Variants in URI1 observed in about 807,000 individuals in gnomAD.
URI1 encodes URI1 prefoldin like chaperone.
URI1 carries 39 observed loss-of-function variants against 60.2 expected under a neutral mutation model. The ratio of observed to expected loss-of-function variants is 0.65; its 90% confidence interval spans 0.50 to 0.85. The LOEUF (loss-of-function observed/expected upper bound fraction) is 0.85, where lower values mean the gene tolerates loss of function less well. Among genes scored for constraint, URI1 ranks in the 40% least tolerant of loss-of-function variants. URI1 has a pLI of 0.00. For synonymous variants in URI1, 251 were observed against 236.8 expected, an observed-to-expected ratio of 1.06 and a Z score of -0.55; for missense variants, 691 against 665.9, an observed-to-expected ratio of 1.04 and a Z score of -0.42.
chr19:29,987,244 C>CT (rs1181297398), intron 4 of URI1, among the ~76,000 whole-genome samples: 4 of 151,956 alleles, frequency 2.6e-5, no homozygotes, highest in Admixed American at 2.6e-4. Context: ...TGGGAAGATC[C>CT]TTTTTTATAA....
In URI1 at chr19:30,015,071, C is replaced by G; in HGVS notation, c.*2C>G. On this transcript the variant is annotated 3_prime_UTR_variant, in exon 11 of 11. Coordinates refer to ENST00000392271, the MANE Select transcript of URI1 (RefSeq NM_003796.3). ...GCCAGATTGCAACAGAAAGACTAGGCCCTGTCTAGGAAATGGGAATTTACA... is the reference window on the plus strand; with the variant it reads ...GCCAGATTGCAACAGAAAGACTAGGGCCTGTCTAGGAAATGGGAATTTACA... 6.2e-7 allele frequency: 1 copy of G among 1,610,878 alleles called. No homozygotes were observed. Among genetic ancestry groups the G allele is most frequent in the Non-Finnish European group, 8.5e-7 (1 of 1,178,748 alleles).
In URI1 at chr19:29,942,403, G is replaced by T; in HGVS notation, c.-145G>T. The T allele has an allele frequency of 1.0e-6, 1 of 982,634 alleles. No individual in the cohort carries two copies. Among genetic ancestry groups the T allele is most frequent in the Non-Finnish European group, 1.2e-6 (1 of 828,720 alleles). 60.9% of individuals were successfully genotyped at this position (982,634 alleles called of 1,614,324 possible). ...GCGGGCGGCGCGGACGCGAACAGCA[G>T]CGGCGGCGGCGGGCGCGGCCTCCTG... On this transcript the variant is annotated 5_prime_UTR_variant, in exon 1 of 11. Transcript: ENST00000392271.
At chr19:29,968,944 A>G (rs1262767955) in intron 1 of URI1, among the ~76,000 whole-genome samples, 2 of 152,092 alleles carry the variant, frequency 1.3e-5, no homozygotes, top group Admixed American at 6.5e-5. Context: ...CCCTCTAAAT[A>G]TAATAGAACT....
At chr19:29,936,351 C>A (rs1229289916) in intron 1 of URI1, among the ~76,000 whole-genome samples, 2 of 152,210 alleles carry the variant, frequency 1.3e-5, no homozygotes, top group African/African-American at 4.8e-5. Flanking sequence ...GATCTGCCCA[C>A]CTCGGCCTCC....
chr19:30,001,996 G>T (rs547874833), intron 4 of URI1, among the ~76,000 whole-genome samples: 1 of 151,994 alleles, frequency 6.6e-6, no homozygotes, highest in Admixed American at 6.6e-5. Context: ...TCCACCAGGG[G>T]GCACGTCCTG....
chr19:29,935,700 C>CTTTTTTTTTT (rs34820413), intron 1 of URI1, among the ~76,000 whole-genome samples: 40 of 131,850 alleles, frequency 3.0e-4, no homozygotes, highest in African/African-American at 9.6e-4. Context: ...GGTTGACAGT[C>CTTTTTTTTTT]TTTTTTTTTT....
intron 1 of URI1, among the ~76,000 whole-genome samples, chr19:29,950,430 C>T (rs2055165521): frequency 6.6e-6 from 1 of 152,148 alleles, no homozygotes; most frequent in African/African-American, 2.4e-5. Flanking sequence ...ATGCAATTTT[C>T]CCCCCTTAAA....
intron 1 of URI1, among the ~76,000 whole-genome samples, chr19:29,955,488 C>T (rs1275571509): frequency 6.6e-6 from 1 of 151,962 alleles, no homozygotes; most frequent in Non-Finnish European, 1.5e-5. Context: ...TAGCTTTATC[C>T]ATATTTATAA....
chr19:29,944,714 A>G (rs1278628622), intron 1 of URI1, among the ~76,000 whole-genome samples: 1 of 152,208 alleles, frequency 6.6e-6, no homozygotes, highest in Non-Finnish European at 1.5e-5. Context: ...AACCACGTAT[A>G]TCTGTCATGG....
chr19:29,952,545 A>G (rs1402318216), intron 1 of URI1, among the ~76,000 whole-genome samples: 1 of 152,206 alleles, frequency 6.6e-6, no homozygotes, highest in Non-Finnish European at 1.5e-5. Flanking sequence ...CAATACAAAG[A>G]TAAACCATTA....
chr19:29,974,302 A>AT (rs1274397377), intron 2 of URI1, among the ~76,000 whole-genome samples: 1 of 152,160 alleles, frequency 6.6e-6, no homozygotes, highest in East Asian at 1.9e-4. Flanking sequence ...TGTCAGACAA[A>AT]TAAAAAAAAA....
Position 30,015,647 on chromosome 19 carries a change from G to C in URI1, c.*578G>C. The C allele has an allele frequency of 3.5e-6, 5 of 1,429,410 alleles. No homozygotes were observed. Among genetic ancestry groups the C allele is most frequent in the Non-Finnish European group, 4.6e-6 (5 of 1,076,090 alleles). 88.5% of individuals were successfully genotyped at this position (1,429,410 alleles called of 1,614,324 possible). On this transcript the variant is annotated 3_prime_UTR_variant, in exon 11 of 11. Coordinates refer to ENST00000392271, the MANE Select transcript of URI1 (RefSeq NM_003796.3). ...TTGTACTCTATGGGAAAATTTCTTTGGAAAGATATTTTGTAAAACTTTTTT... is the reference window on the plus strand; with the variant it reads ...TTGTACTCTATGGGAAAATTTCTTTCGAAAGATATTTTGTAAAACTTTTTT...
At chr19:30,008,893 A>T in intron 7 of URI1, 112 bp from the exon 8 acceptor site, 2 of 890,662 alleles carry the variant, frequency 2.2e-6, no homozygotes, top group Non-Finnish European at 3.2e-6. Context: ...TTCTAGTTTT[A>T]AAAATACTTT....
At chr19:30,009,517 A>G (rs914771215) in intron 8 of URI1, among the ~76,000 whole-genome samples, 164 bp downstream of exon 8, 4 of 152,158 alleles carry the variant, frequency 2.6e-5, no homozygotes, top group Non-Finnish European at 4.4e-5. Context: ...AGAAAAAGGG[A>G]AAAAAAATTT....
intron 1 of URI1, among the ~76,000 whole-genome samples, chr19:29,944,139 TCA>T (rs1491296431): frequency 3.3e-4 from 10 of 30,562 alleles, no homozygotes; most frequent in Admixed American, 1.3e-3. Flanking sequence ...ACCCTGTCAT[TCA>T]TATATATATA....
Position 29,929,488 on chromosome 19 carries a change from T to C in URI1, c.63+5734T>C, listed in dbSNP as rs565670169. Among the ~76,000 whole-genome samples, 7 of 151,988 alleles carry C rather than the reference T, an allele frequency of 4.6e-5. No homozygotes were observed. In the South Asian group the frequency reaches 1.2e-3, roughly 27 times the overall value. The stretch of plus-strand genomic sequence containing the variant: ...GGCAGGTGCCTGTAATCCCAGCTAC[T>C]TGGGAGGCTGAGGCAGGAGAATGGC... On this transcript the variant is annotated intron_variant, in intron 1 of 10. Coordinates refer to the URI1 transcript ENST00000360605.
chr19:29,949,464 G>A (rs1184720216), intron 1 of URI1, among the ~76,000 whole-genome samples: 2 of 151,994 alleles, frequency 1.3e-5, no homozygotes, highest in Non-Finnish European at 1.5e-5. Flanking sequence ...CATCCCAGAC[G>A]ATGGGCGGCC....
chr19:29,958,186 T>C (rs1033980912), intron 1 of URI1: 3 of 152,204 alleles, frequency 2.0e-5, no homozygotes, highest in Non-Finnish European at 4.4e-5. Context: ...CTGACAGTTT[T>C]ATTCATTCCA....
chr19:29,999,176 A>C (rs2055848017), intron 4 of URI1, among the ~76,000 whole-genome samples: 1 of 151,962 alleles, frequency 6.6e-6, no homozygotes, highest in South Asian at 2.1e-4. Context: ...ATGTGTATTC[A>C]TTTTTCTTTA....
Sources: allele counts gnomAD v4.1 joint callset (sites outside exome capture counted in the v4.1 genomes callset), GRCh38; gene constraint gnomAD v4.1.1; transcripts MANE v1.5; gene names NCBI Gene and HGNC (gene_info 2026-07-23, HGNC 2026-07-21).